The following BIN3 variants were observed in gnomAD, a reference collection of about 807,000 sequenced individuals.
The protein encoded by BIN3 is bridging integrator 3.
In BIN3, 41 loss-of-function variants were observed where a neutral mutation model predicts 38.2. The ratio of observed to expected loss-of-function variants is 1.07; its 90% CI spans 0.84 to 1.39. The LOEUF is 1.39. Ranked by LOEUF, BIN3 falls within the 40% of genes most tolerant of loss-of-function variation. BIN3 has a pLI of 0.00. For synonymous variants in BIN3, 145 were observed against 122.6 expected (o/e 1.18, Z -1.21); for missense variants, 361 against 324.3 (o/e 1.11, Z -0.87).
At chr8:22,665,461 G>A (rs1225855948) in intron 1 of BIN3, among the ~76,000 whole-genome samples, 2 of 152,224 alleles carry the variant, frequency 1.3e-5, no homozygotes, top group Non-Finnish European at 2.9e-5. Flanking sequence ...GAGTACAGAT[G>A]CTGATGAAGG....
intron 6 of BIN3, chr8:22,626,221 CTG>C (rs1801999703): frequency 6.6e-6 from 1 of 152,344 alleles, no homozygotes; most frequent in Admixed American, 6.5e-5. Flanking sequence ...CCTCCCAGGA[CTG>C]TGCACAGAGA....
intron 4 of BIN3, among the ~76,000 whole-genome samples, chr8:22,633,267 C>T (rs1434811535): frequency 6.6e-6 from 1 of 152,128 alleles, no homozygotes; most frequent in Non-Finnish European, 1.5e-5. Flanking sequence ...CCCAGGAGTT[C>T]GAGACCAGCC....
At chr8:22,656,583 A>G (rs1301616365) in intron 1 of BIN3, among the ~76,000 whole-genome samples, 1 of 152,218 alleles carries the variant, frequency 6.6e-6, no homozygotes, top group Non-Finnish European at 1.5e-5. Context: ...ATGTTATTGC[A>G]TTAGCTTGAA....
At chr8:22,655,820 A>G (rs1313378704) in intron 1 of BIN3, among the ~76,000 whole-genome samples, 1 of 152,172 alleles carries the variant, frequency 6.6e-6, no homozygotes, top group Non-Finnish European at 1.5e-5. Context: ...GTTTGAGTGT[A>G]TGACTAGTCC....
chr8:22,662,902 C>T (rs900460163), intron 1 of BIN3, among the ~76,000 whole-genome samples: 4 of 152,112 alleles, frequency 2.6e-5, no homozygotes, highest in Admixed American at 1.3e-4. Context: ...TTTGGGAGGC[C>T]AAGACGGGTG....
At chr8:22,663,440 TAAA>T (rs35060338) in intron 1 of BIN3, among the ~76,000 whole-genome samples, 44 of 128,682 alleles carry the variant, frequency 3.4e-4, no homozygotes, top group African/African-American at 1.3e-3. Flanking sequence ...CCGATTTGTT[TAAA>T]AAAAAAAAAA....
Position 22,654,465 on chromosome 8 carries a change from G to A in BIN3, c.9-9662C>T, listed in dbSNP as rs567889140. On this transcript the variant is annotated intron_variant, in intron 1 of 8. Transcript: ENST00000276416. Reference sequence around the variant, plus strand: ...CAGAACATTTTCATCACACCAAAAAGAAACCCCACACCTATTAGCAAACAA... The same window carrying A: ...CAGAACATTTTCATCACACCAAAAAAAAACCCCACACCTATTAGCAAACAA... Among the ~76,000 whole-genome samples, 132 of 152,204 alleles carry A rather than the reference G, an allele frequency of 8.7e-4. 1 individual carries two copies. Among genetic ancestry groups the A allele is most frequent in the African/African-American group, 3.2e-3 (131 of 41,522 alleles).
At chr8:22,625,474 G>A in intron 6 of BIN3, 2 of 699,450 alleles carry the variant, frequency 2.9e-6, no homozygotes, top group Admixed American at 2.0e-5. Context: ...CAGTTACTGA[G>A]ACTGGGATCA....
intron 8 of BIN3, 37 bp downstream of exon 8, chr8:22,623,878 A>G: frequency 1.9e-6 from 3 of 1,604,028 alleles, no homozygotes; most frequent in Non-Finnish European, 2.6e-6. Context: ...TGAGCTGTGT[A>G]TACCAAGCCC....
At chr8:22,642,728 G>C (rs1385046197) in intron 2 of BIN3, among the ~76,000 whole-genome samples, 2 of 152,208 alleles carry the variant, frequency 1.3e-5, no homozygotes, top group Non-Finnish European at 2.9e-5. Flanking sequence ...GAAGGCTCCA[G>C]AGGTTAAGGA....
intron 6 of BIN3, chr8:22,624,985 A>C: frequency 3.3e-6 from 1 of 307,482 alleles, no homozygotes; most frequent in Non-Finnish European, 6.1e-6. Flanking sequence ...GCCCCAGGGC[A>C]CCTTCTCCTT....
intron 2 of BIN3, among the ~76,000 whole-genome samples, chr8:22,643,704 C>T (rs1261786257): frequency 1.3e-5 from 2 of 152,232 alleles, no homozygotes; most frequent in Non-Finnish European, 2.9e-5. Context: ...AAACTTCTCA[C>T]CACACTGAAG....
chr8:22,641,454 C>A (rs1410380045), intron 2 of BIN3, among the ~76,000 whole-genome samples: 2 of 152,154 alleles, frequency 1.3e-5, no homozygotes, highest in Admixed American at 6.5e-5. Context: ...AACTTATGCT[C>A]ATGGTGAAGT....
intron 1 of BIN3, among the ~76,000 whole-genome samples, chr8:22,649,522 G>A (rs545359918): frequency 1.5e-4 from 23 of 152,176 alleles, no homozygotes; most frequent in South Asian, 6.2e-4. Context: ...CCACGATTCC[G>A]CATCTAAAAG....
chr8:22,657,799 C>T (rs1803102958), intron 1 of BIN3, among the ~76,000 whole-genome samples: 1 of 152,238 alleles, frequency 6.6e-6, no homozygotes, highest in Non-Finnish European at 1.5e-5. Flanking sequence ...ATTTCATCCC[C>T]GTGGGTCTCC....
At chr8:22,622,308 C>T (rs1460387896) in intron 8 of BIN3, among the ~76,000 whole-genome samples, 3 of 152,224 alleles carry the variant, frequency 2.0e-5, no homozygotes, top group Non-Finnish European at 4.4e-5. Flanking sequence ...AAAGCTTCCA[C>T]GTTTCACTCT....
At chr8:22,621,613 C>A (rs576835124) in intron 8 of BIN3, 45 bp from the exon 9 acceptor site, 2 of 1,592,912 alleles carry the variant, frequency 1.3e-6, no homozygotes, top group Admixed American at 3.3e-5. Flanking sequence ...TCCAGGGAAC[C>A]GTGTGCTTCA....
intron 1 of BIN3, among the ~76,000 whole-genome samples, chr8:22,663,656 G>A (rs1300523825): frequency 6.6e-6 from 1 of 152,102 alleles, no homozygotes; most frequent in Non-Finnish European, 1.5e-5. Context: ...TATATAACGT[G>A]GCCCTGAGGT....
chr8:22,624,423 G>A (rs1801946180), intron 6 of BIN3, 60 bp from the exon 7 acceptor site: 1 of 1,580,210 alleles, frequency 6.3e-7, no homozygotes, highest in South Asian at 1.2e-5. Context: ...GGCTGGAGAT[G>A]GGTCTGCTCT....
Sources: allele counts gnomAD v4.1 joint callset (sites outside exome capture counted in the v4.1 genomes callset), GRCh38; gene constraint gnomAD v4.1.1; transcripts MANE v1.5; gene names NCBI Gene and HGNC (gene_info 2026-07-23, HGNC 2026-07-21).